Variants in CDH13 observed in about 807,000 individuals in gnomAD.
The protein encoded by CDH13 is cadherin 13.
CDH13 carries 24 observed loss-of-function variants against 63.8 expected under a neutral mutation model. The ratio of observed to expected loss-of-function variants is 0.38; its 90% CI spans 0.27 to 0.53. CDH13 has a LOEUF of 0.53. CDH13 is among the 20% of genes least tolerant of loss of function. The pLI is 0.85. For synonymous variants in CDH13, 503 were observed against 355.3 expected (o/e 1.42, Z -4.67); for missense variants, 1,049 against 903.1 (o/e 1.16, Z -2.07).
At chr16:83,386,264 C>T (rs763189014) in intron 6 of CDH13, among the ~76,000 whole-genome samples, 2 of 152,092 alleles carry the variant, frequency 1.3e-5, no homozygotes, top group African/African-American at 4.8e-5. Context: ...ATCTCTTGAC[C>T]GAATCCAGCA....
intron 6 of CDH13, among the ~76,000 whole-genome samples, chr16:83,356,844 T>G (rs2091066558): frequency 6.6e-6 from 1 of 152,196 alleles, no homozygotes; most frequent in Non-Finnish European, 1.5e-5. Flanking sequence ...TTTCTTGCTT[T>G]AATTATGGGT....
intron 1 of CDH13, among the ~76,000 whole-genome samples, chr16:82,849,318 A>G (rs2039388653): frequency 6.6e-6 from 1 of 152,136 alleles, no homozygotes; most frequent in South Asian, 2.1e-4. Flanking sequence ...CCTGGTCAAC[A>G]TGGTGAAGCC....
intron 10 of CDH13, among the ~76,000 whole-genome samples, chr16:83,687,925 G>A (rs1159403420): frequency 1.3e-5 from 2 of 152,178 alleles, no homozygotes; most frequent in Non-Finnish European, 2.9e-5. Flanking sequence ...CAACTGCTTT[G>A]TCCTGATTTC....
At chr16:83,447,096 CTT>C (rs750432481) in intron 6 of CDH13, among the ~76,000 whole-genome samples, 31 of 41,512 alleles carry the variant, frequency 7.5e-4, no homozygotes, top group South Asian at 2.7e-3. Flanking sequence ...TTATAGTAAC[CTT>C]TTTTTTTTTT....
chr16:82,858,333 T>G (rs777020464), intron 1 of CDH13, 29 bp from the exon 2 acceptor site: 1 of 1,488,990 alleles, frequency 6.7e-7, no homozygotes. Context: ...AAGCCGCTAT[T>G]AAAATATTGA....
chr16:82,733,512 G>A (rs1463726898), intron 1 of CDH13, among the ~76,000 whole-genome samples: 1 of 137,288 alleles, frequency 7.3e-6, no homozygotes, highest in African/African-American at 2.7e-5. Flanking sequence ...GCTGTGTAGA[G>A]CTCTCATTAA....
chr16:82,728,055 T>G (rs541198300), intron 1 of CDH13, among the ~76,000 whole-genome samples: 1 of 152,326 alleles, frequency 6.6e-6, no homozygotes, highest in African/African-American at 2.4e-5. Context: ...TTATGTCTGC[T>G]TCCTCTGGAA....
chr16:83,258,445 TA>T (rs1906551735), intron 5 of CDH13, among the ~76,000 whole-genome samples: 1 of 152,124 alleles, frequency 6.6e-6, no homozygotes, highest in Admixed American at 6.6e-5. Flanking sequence ...GGTCTAGAAA[TA>T]AAAAGATATG....
rs1356905351 is a variant in CDH13 at position 83,032,093 on chromosome 16, T to A, written c.241T>A (p.Leu81Ile). The change falls in exon 3 of 14, where the codon TTA (leucine) becomes ATA (isoleucine). Residue 81 changes from leucine to isoleucine, a missense_variant. By Grantham distance (5) the Leu-to-Ile change is conservative (BLOSUM62 2). Coordinates refer to ENST00000567109, the MANE Select transcript of CDH13 (RefSeq NM_001257.5). ...CTTCAAGGTGAACAGCGATGGCGGC[T>A]TAGTTGCTCTGAGAAACATAACTGC... ...PYFKVNSDGGLVALRNITAVG... is the reference protein window; with the variant it reads ...PYFKVNSDGGIVALRNITAVG... 6.2e-7 allele frequency: 1 copy of A among 1,613,042 alleles called. No homozygotes were observed. Among genetic ancestry groups the A allele is most frequent in the Non-Finnish European group, 8.5e-7 (1 of 1,179,536 alleles).
chr16:83,057,742 T>A (rs999904858), intron 3 of CDH13, among the ~76,000 whole-genome samples: 4 of 152,108 alleles, frequency 2.6e-5, no homozygotes, highest in African/African-American at 7.2e-5. Context: ...CAATACTAAT[T>A]TTAAACCGTC....
intron 9 of CDH13, among the ~76,000 whole-genome samples, chr16:83,677,122 A>G (rs1915019244): frequency 6.6e-6 from 1 of 152,102 alleles, no homozygotes; most frequent in Non-Finnish European, 1.5e-5. Flanking sequence ...TCTTACCTAA[A>G]TGTCTCCCCA....
rs867725704 is a variant in CDH13 at position 83,090,118 on chromosome 16, C to G, written c.367-35267C>G. ...TTTGACTGGTCGTCAACCCCACCCA[C>G]AAAAGCCTACAGCTTCCTCCTACCC... On this transcript the variant is annotated intron_variant, in intron 3 of 13. Transcript: ENST00000567109. 1.1e-3 allele frequency among the ~76,000 whole-genome samples: 165 copies of G among 152,288 alleles called. 1 individual carries two copies. The highest frequency in any genetic ancestry group is 3.7e-3 in the African/African-American group (154 of 41,564).
intron 1 of CDH13, among the ~76,000 whole-genome samples, chr16:82,716,168 C>G (rs189070331): frequency 6.6e-6 from 1 of 152,172 alleles, no homozygotes; most frequent in Non-Finnish European, 1.5e-5. Context: ...CTCAATCCCC[C>G]GAGGAGCCTG....
intron 4 of CDH13, among the ~76,000 whole-genome samples, chr16:83,164,130 A>C (rs1372160453): frequency 2.0e-4 from 30 of 151,564 alleles, no homozygotes; most frequent in Non-Finnish European, 1.5e-5. Flanking sequence ...GTGCTTATCC[A>C]AACACTACAG....
intron 3 of CDH13, among the ~76,000 whole-genome samples, chr16:83,081,807 T>G (rs1454670149): frequency 1.4e-5 from 2 of 142,548 alleles, no homozygotes; most frequent in Non-Finnish European, 3.0e-5. Context: ...CCTAATTACC[T>G]TTTTTTTTTT....
At chr16:83,046,826 C>T (rs913881465) in intron 3 of CDH13, among the ~76,000 whole-genome samples, 3 of 152,176 alleles carry the variant, frequency 2.0e-5, no homozygotes, top group Non-Finnish European at 4.4e-5. Context: ...AACCTTGTTA[C>T]AAACAATTCA....
chr16:82,673,732 G>T (rs981234831), intron 1 of CDH13, among the ~76,000 whole-genome samples: 2 of 152,208 alleles, frequency 1.3e-5, no homozygotes, highest in African/African-American at 4.8e-5. Flanking sequence ...GCAGGAGGCA[G>T]AGTGTTCACA....
At chr16:83,517,910 T>C (rs2074736617) in intron 7 of CDH13, among the ~76,000 whole-genome samples, 1 of 152,128 alleles carries the variant, frequency 6.6e-6, no homozygotes, top group South Asian at 2.1e-4. Flanking sequence ...CTGAGGTCGA[T>C]ATTATTATCG....
chr16:82,948,391 A>G (rs562332331), intron 2 of CDH13, among the ~76,000 whole-genome samples: 2 of 152,302 alleles, frequency 1.3e-5, no homozygotes, highest in South Asian at 4.1e-4. Flanking sequence ...AATTTAACAC[A>G]TGGCATGCCT....
Sources: allele counts gnomAD v4.1 joint callset (sites outside exome capture counted in the v4.1 genomes callset), GRCh38; gene constraint gnomAD v4.1.1; transcripts MANE v1.5; gene names NCBI Gene and HGNC (gene_info 2026-07-23, HGNC 2026-07-21).